MARCHF5: variants seen among roughly 807,000 people sequenced by gnomAD.
MARCHF5 encodes membrane associated ring-CH-type finger 5.
Under a neutral mutation model 36.5 loss-of-function variants are expected in MARCHF5, and 5 were observed. That is an observed-to-expected ratio of 0.14 (90% CI 0.07 to 0.29). The LOEUF (loss-of-function observed/expected upper bound fraction) is 0.29. Among genes scored for constraint, MARCHF5 ranks in the 10% least tolerant of loss-of-function variants. The probability of loss-of-function intolerance (pLI) is 1.00; values close to 1 mark genes in which losing one functional copy is unlikely to be tolerated. For missense variants in MARCHF5, 179 were observed against 336.3 expected, an observed-to-expected ratio of 0.53 and a Z score of 3.66; for synonymous variants, 103 against 109.9, an observed-to-expected ratio of 0.94 and a Z score of 0.39.
intron 2 of MARCHF5, among the ~76,000 whole-genome samples, chr10:92,320,573 C>G (rs1843278907): frequency 1.3e-5 from 2 of 151,732 alleles, no homozygotes; most frequent in African/African-American, 4.9e-5. Context: ...CCTGTGTAGG[C>G]CTAGGCTAAT....
At chr10:92,297,696 T>C (rs1842963767) in intron 1 of MARCHF5, among the ~76,000 whole-genome samples, 1 of 151,476 alleles carries the variant, frequency 6.6e-6, no homozygotes, top group Non-Finnish European at 1.5e-5. Context: ...TTTCACTGTG[T>C]TGGCCAGACT....
At chr10:92,293,827 C>T (rs142247848) in intron 1 of MARCHF5, among the ~76,000 whole-genome samples, 1 of 152,058 alleles carries the variant, frequency 6.6e-6, no homozygotes, top group African/African-American at 2.4e-5. Context: ...AACAGAAATG[C>T]GAAGATTCTG....
chr10:92,305,251 C>T (rs1399476199), intron 1 of MARCHF5, among the ~76,000 whole-genome samples: 2 of 151,830 alleles, frequency 1.3e-5, no homozygotes, highest in African/African-American at 4.8e-5. Flanking sequence ...TCTGAAAATA[C>T]AAAAAATTAG....
chr10:92,340,680 G>A lies in MARCHF5; in HGVS notation c.246G>A (p.Val82=), dbSNP rs1489374337. The A allele has an allele frequency of 3.7e-6, 6 of 1,609,976 alleles. No individual in the cohort carries two copies. The highest frequency in any genetic ancestry group is 5.1e-6 in the Non-Finnish European group (6 of 1,178,738). Residue 82 remains valine, a synonymous_variant, in exon 3 of 6, where the codon GTG becomes GTA. Transcript: ENST00000358935. The stretch of plus-strand genomic sequence containing the variant: ...CTTTTCTGTGTGTTATAGGTCCAGT[G>A]GTTTACGTCTTGGATCTTGCAGATA... ...YLIVFPKLGP[V]VYVLDLADRL...
intron 2 of MARCHF5, among the ~76,000 whole-genome samples, chr10:92,315,771 A>G (rs1843202253): frequency 6.6e-6 from 1 of 152,264 alleles, no homozygotes; most frequent in South Asian, 2.1e-4. Context: ...TGATAGTAAC[A>G]ATAAAATACA....
intron 2 of MARCHF5, among the ~76,000 whole-genome samples, chr10:92,339,927 T>G (rs745770667): frequency 6.6e-6 from 1 of 152,170 alleles, no homozygotes; most frequent in Non-Finnish European, 1.5e-5. Context: ...AAAAACTGGC[T>G]TCATAATCAT....
At chr10:92,325,169 CA>C in intron 2 of MARCHF5, among the ~76,000 whole-genome samples, 1 of 149,568 alleles carries the variant, frequency 6.7e-6, no homozygotes, top group Admixed American at 6.7e-5. Flanking sequence ...CCTGTCTCTA[CA>C]AAAAAAAAGA....
At chr10:92,297,240 C>T (rs919299713) in intron 1 of MARCHF5, among the ~76,000 whole-genome samples, 2 of 150,254 alleles carry the variant, frequency 1.3e-5, no homozygotes, top group African/African-American at 4.9e-5. Context: ...AGTCACGGCT[C>T]ACTACAGCCT....
intron 1 of MARCHF5, chr10:92,308,438 T>G (rs994325856): frequency 5.3e-5 from 8 of 152,204 alleles, no homozygotes; most frequent in Non-Finnish European, 1.2e-4. Context: ...TATTTTGTGC[T>G]GACCTCATAT....
chr10:92,318,782 T>C (rs2072715786), intron 2 of MARCHF5, among the ~76,000 whole-genome samples: 1 of 152,002 alleles, frequency 6.6e-6, no homozygotes, highest in South Asian at 2.1e-4. Context: ...CACTGCAACC[T>C]CTGCCTACTG....
intron 2 of MARCHF5, among the ~76,000 whole-genome samples, chr10:92,315,297 G>A (rs1477725405): frequency 1.3e-5 from 2 of 152,144 alleles, no homozygotes; most frequent in South Asian, 2.1e-4. Flanking sequence ...CTTCCTCTCT[G>A]TATAACACAC....
At chr10:92,329,658 C>T (rs1233894391) in intron 2 of MARCHF5, among the ~76,000 whole-genome samples, 2 of 152,326 alleles carry the variant, frequency 1.3e-5, no homozygotes, top group Admixed American at 6.5e-5. Flanking sequence ...CTCAAGTACT[C>T]TCTTCATATT....
chr10:92,332,908 T>C (rs1843454373), intron 2 of MARCHF5, among the ~76,000 whole-genome samples: 1 of 151,606 alleles, frequency 6.6e-6, no homozygotes, highest in Non-Finnish European at 1.5e-5. Flanking sequence ...CTCACGCCTG[T>C]AATCCCAGCA....
At chr10:92,327,312 T>G (rs1350339549) in intron 2 of MARCHF5, among the ~76,000 whole-genome samples, 6 of 151,772 alleles carry the variant, frequency 4.0e-5, no homozygotes, top group Non-Finnish European at 5.9e-5. Flanking sequence ...GAAGAGCTTT[T>G]TTTTTTTTCT....
chr10:92,303,104 T>C (rs1182044585), intron 1 of MARCHF5, among the ~76,000 whole-genome samples: 1 of 152,204 alleles, frequency 6.6e-6, no homozygotes, highest in East Asian at 1.9e-4. Flanking sequence ...TTGCTTAATT[T>C]AGTGCCAGTG....
At chr10:92,315,198 TAA>T (rs1031423015) in intron 2 of MARCHF5, among the ~76,000 whole-genome samples, 1 of 152,258 alleles carries the variant, frequency 6.6e-6, no homozygotes, top group African/African-American at 2.4e-5. Flanking sequence ...TCGTATATAC[TAA>T]GAGTTGATTC....
intron 2 of MARCHF5, among the ~76,000 whole-genome samples, chr10:92,324,174 T>C (rs951556142): frequency 6.6e-6 from 1 of 152,244 alleles, no homozygotes; most frequent in South Asian, 2.1e-4. Flanking sequence ...TTATATGCCA[T>C]CTGTATATCT....
At chr10:92,335,617 T>A (rs1433318243) in intron 2 of MARCHF5, among the ~76,000 whole-genome samples, 1 of 152,184 alleles carries the variant, frequency 6.6e-6, no homozygotes, top group Non-Finnish European at 1.5e-5. Context: ...TTTGCCTCCA[T>A]TTTATCTGGT....
intron 2 of MARCHF5, 108 bp downstream of exon 2, chr10:92,311,445 A>G (rs569061370): frequency 5.2e-4 from 370 of 714,234 alleles, no homozygotes; most frequent in Admixed American, 7.8e-4. Context: ...GTGAATTTCT[A>G]TATTCCCTTT....
Sources: allele counts gnomAD v4.1 joint callset (sites outside exome capture counted in the v4.1 genomes callset), GRCh38; gene constraint gnomAD v4.1.1; transcripts MANE v1.5; gene names NCBI Gene and HGNC (gene_info 2026-07-23, HGNC 2026-07-21).